Variants in SALL2 observed in about 807,000 individuals in gnomAD.
SALL2 encodes spalt like transcription factor 2.
In SALL2, 32 loss-of-function variants were observed where a neutral mutation model predicts 58.5. That is an observed-to-expected ratio of 0.55 (90% CI 0.41 to 0.74). The LOEUF is 0.74. Ranked by LOEUF, SALL2 falls within the 30% of genes least tolerant of loss-of-function variation. SALL2 has a pLI of 0.00. For synonymous variants in SALL2, 516 were observed against 513.6 expected (o/e 1.00, Z -0.06); for missense variants, 1,201 against 1,268.9 (o/e 0.95, Z 0.81).
intron 1 of SALL2, among the ~76,000 whole-genome samples, chr14:21,532,924 C>T: frequency 6.6e-6 from 1 of 152,002 alleles, no homozygotes; most frequent in Non-Finnish European, 1.5e-5. Flanking sequence ...GATCGCGCCA[C>T]TGCACCCCAG....
In SALL2 at chr14:21,521,874, G is replaced by A. The variant is rs1566504532; in HGVS notation, c.*830C>T. The A allele has an allele frequency of 4.6e-6, 5 of 1,087,696 alleles. No individual in the cohort carries two copies. Among genetic ancestry groups the A allele is most frequent in the East Asian group, 2.6e-5 (1 of 38,154 alleles). The allele number at this position is 1,087,696 out of a possible 1,614,324, so 67.4% of individuals were successfully genotyped here. On this transcript the variant is annotated 3_prime_UTR_variant, in exon 2 of 2. Transcript: ENST00000537235. ...CTTTACCTTAATGTGACCATCAGGG[G>A]ATTTACTGGGAAAATTTTCCTATGC...
Position 21,526,254 on chromosome 14 carries a change from G to A in SALL2, c.-127C>T, listed in dbSNP as rs971055174. 2.1e-6 allele frequency: 3 copies of A among 1,446,756 alleles called. No individual in the cohort carries two copies. Among genetic ancestry groups the A allele is most frequent in the South Asian group, 1.4e-5 (1 of 70,840 alleles). 89.6% of individuals were successfully genotyped at this position (1,446,756 alleles called of 1,614,324 possible). On this transcript the variant is annotated 5_prime_UTR_variant, in exon 1 of 2. Transcript: ENST00000537235. Reference sequence around the variant, plus strand: ...GGCCCAGACTGCGGAGATGGAGATCGGCAGCGGCGGGGGCAGGGAGCAGCG... The same window carrying A: ...GGCCCAGACTGCGGAGATGGAGATCAGCAGCGGCGGGGGCAGGGAGCAGCG...
rs758939366 is a variant in SALL2, at chr14:21,523,016, T to C, written c.2706A>G (p.Pro902=). The C allele has an allele frequency of 1.7e-5, 28 of 1,614,038 alleles. 1 individual carries two copies. The highest frequency in any genetic ancestry group is 2.2e-5 in the Non-Finnish European group (26 of 1,180,020). ...LSLQEAMRKE[P]GESSSRKACE... ...AGGCCTTTCTGCTGCTGCTCTCTCC[T>C]GGCTCCTTTCTCATTGCCTCCTGCA... is the stretch of plus-strand genomic sequence containing the variant. The change falls in exon 2 of 2, where the codon CCA becomes CCG. Residue 902 remains proline (P), a synonymous_variant. Coordinates refer to ENST00000537235, the MANE Select transcript of SALL2 (RefSeq NM_001364564.1). The surrounding 1 kb of genome is among the most constrained non-coding windows in gnomAD (Gnocchi z 4.4).
At chr14:21,535,319 T>C (rs1398676948) in intron 1 of SALL2, among the ~76,000 whole-genome samples, 2 of 141,914 alleles carry the variant, frequency 1.4e-5, no homozygotes, top group Non-Finnish European at 3.0e-5. Flanking sequence ...CACTCCAACC[T>C]GGGCGACAGA....
upstream of SALL2, among the ~76,000 whole-genome samples, chr14:21,529,329 C>G (rs1048131565): frequency 6.6e-6 from 1 of 152,042 alleles, no homozygotes; most frequent in Admixed American, 6.6e-5. Flanking sequence ...GCTGAAATGA[C>G]AAAGAAAAGG....
chr14:21,535,313 C>A (rs1330222842), intron 1 of SALL2, among the ~76,000 whole-genome samples: 3 of 148,484 alleles, frequency 2.0e-5, no homozygotes, highest in Non-Finnish European at 4.4e-5. Flanking sequence ...CCACTGCACT[C>A]CAACCTGGGC....
chr14:21,524,211 G>A lies in SALL2; in HGVS notation c.1511C>T (p.Pro504Leu). The stretch of plus-strand genomic sequence containing the variant: ...CATGAGCACAAACTTATTGAAAGCA[G>A]GGAGTCCTGGAGCCGTGGCTGTGCC... The part of the protein sequence containing the change: ...SAGTATAPGL[P>L]AFNKFVLMKA... Residue 504 changes from proline (P) to leucine (L), a missense_variant, in exon 2 of 2, where the codon CCT becomes CTT. By Grantham distance (98) the Pro-to-Leu change is moderately conservative. Around this residue, in one of 3 missense-constraint regions of SALL2, gnomAD observed 675 missense variants for 683.8 expected, o/e 0.99. Coordinates refer to ENST00000537235, the MANE Select transcript of SALL2 (RefSeq NM_001364564.1). 6.2e-7 allele frequency: 1 copy of A among 1,612,160 alleles called. No homozygotes were observed. The highest frequency in any genetic ancestry group is 8.5e-7 in the Non-Finnish European group (1 of 1,179,048).
chr14:21,526,013 A>G, intron 1 of SALL2, 48 bp downstream of exon 1: 1 of 890,286 alleles, frequency 1.1e-6, no homozygotes, highest in Non-Finnish European at 1.8e-6. Context: ...GCCCCTGCGC[A>G]TCCCCCTCCG....
chr14:21,523,758 C>T lies in SALL2; in HGVS notation c.1964G>A (p.Arg655Lys). The part of the protein sequence containing the change: ...RLHYGQHGGE[R>K]PFKCKVCGRA... ...GCCACACACTTTGCATTTGAAGGGCCTCTCACCTCCATGTTGGCCATAATG... is the reference window on the plus strand; with the variant it reads ...GCCACACACTTTGCATTTGAAGGGCTTCTCACCTCCATGTTGGCCATAATG... The change falls in exon 2 of 2, where the codon AGG (arginine) becomes AAG (lysine). Residue 655 changes from arginine (R) to lysine (K), a missense_variant. By Grantham distance (26) the Arg-to-Lys change is conservative. This residue lies in a region of SALL2 where 675 missense variants were observed against 683.8 expected (regional missense o/e 0.99). Transcript: ENST00000537235. The surrounding 1 kb of genome is among the most constrained non-coding windows in gnomAD (Gnocchi z 4.4). The T allele has an allele frequency of 1.2e-6, 2 of 1,614,090 alleles. No individual in the cohort carries two copies. The highest frequency in any genetic ancestry group is 1.7e-6 in the Non-Finnish European group (2 of 1,180,022).
Position 21,522,730 on chromosome 14 carries a change from G to C in SALL2, c.2992C>G (p.Arg998Gly). 3.3e-6 allele frequency: 5 copies of C among 1,526,936 alleles called. No individual in the cohort carries two copies. Among genetic ancestry groups the C allele is most frequent in the Non-Finnish European group, 4.4e-6 (5 of 1,139,226 alleles). 94.6% of individuals were successfully genotyped at this position (1,526,936 alleles called of 1,614,324 possible). A position where few individuals can be genotyped will look rare whatever the true frequency, so the allele number is the denominator to read the frequency against. Residue 998 changes from arginine (R) to glycine (G), a missense_variant, in exon 2 of 2, where the codon CGA becomes GGA. Physicochemically the swap from Arg to Gly is moderately radical, Grantham distance 125. Transcript: ENST00000537235. ...ITSTGLSPFP[R>G]KDDPTIP ...CATGGGATCGTGGGGTCATCTTTTCGGGGAAAGGGGGAGAGCCCTGTGGAG... is the reference window on the plus strand; with the variant it reads ...CATGGGATCGTGGGGTCATCTTTTCCGGGAAAGGGGGAGAGCCCTGTGGAG...
chr14:21,536,746 G>A (rs1297174788), intron 1 of SALL2: 19 of 847,832 alleles, frequency 2.2e-5, no homozygotes, highest in Non-Finnish European at 2.9e-5. Context: ...GACCAAGTCC[G>A]CCCCCGCCTG....
chr14:21,534,180 C>T (rs760721957), intron 1 of SALL2, among the ~76,000 whole-genome samples: 17 of 152,056 alleles, frequency 1.1e-4, no homozygotes, highest in Non-Finnish European at 1.8e-4. Flanking sequence ...ATATTATAAG[C>T]TTATAAGATC....
Position 21,523,046 on chromosome 14 carries a change from C to T in SALL2, c.2676G>A (p.Leu892=), listed in dbSNP as rs1828817138. Residue 892 remains leucine, a synonymous_variant, in exon 2 of 2, where the codon CTG becomes CTA. Transcript: ENST00000537235. The surrounding 1 kb of genome is among the most constrained non-coding windows in gnomAD (Gnocchi z 4.4). ...EATSVTLVEE[L]SLQEAMRKEP... ...CCTTTCTCATTGCCTCCTGCAGGCT[C>T]AGCTCCTCTACCAAGGTCACGCTGG... 2 of 1,614,176 alleles carry T rather than the reference C, an allele frequency of 1.2e-6. No individual in the cohort carries two copies. The highest frequency in any genetic ancestry group is 1.7e-6 in the Non-Finnish European group (2 of 1,180,028).
chr14:21,524,690 C>T lies in SALL2; in HGVS notation c.1032G>A (p.Gly344=). 6.2e-7 allele frequency: 1 copy of T among 1,613,972 alleles called. No homozygotes were observed. Among genetic ancestry groups the T allele is most frequent in the Non-Finnish European group, 8.5e-7 (1 of 1,180,010 alleles). Residue 344 remains glycine (G), a synonymous_variant, in exon 2 of 2, where the codon GGG becomes GGA. Transcript: ENST00000537235. ...CACTTCCATTCTTTGGCTTCAGGAGCCCTGGGGAGGCAGTGGCCTCAAGGC... is the reference window on the plus strand; with the variant it reads ...CACTTCCATTCTTTGGCTTCAGGAGTCCTGGGGAGGCAGTGGCCTCAAGGC... ...ARGLEATASP[G]LLKPKNGSGE...
rs1362758144 is a variant in SALL2, at chr14:21,523,779, T to A, written c.1943A>T (p.Tyr648Phe). The A allele has an allele frequency of 6.2e-7, 1 of 1,614,098 alleles. No individual in the cohort carries two copies. The highest frequency in any genetic ancestry group is 1.7e-5 in the Admixed American group (1 of 60,012). Residue 648 changes from tyrosine to phenylalanine, a missense_variant, in exon 2 of 2, where the codon TAT (tyrosine) becomes TTT (phenylalanine). This residue lies in a region of SALL2 where 675 missense variants were observed against 683.8 expected (regional missense o/e 0.99). Transcript: ENST00000537235. This position sits in a 1 kb window ranked among gnomAD's most constrained non-coding sequence, Gnocchi z 4.4. ...GGGCCTCTCACCTCCATGTTGGCCA[T>A]AATGAAGGCGTAGGGCCCGAGGACA... ...LSCPRALRLH[Y>F]GQHGGERPFK...
chr14:21,523,976 G>T lies in SALL2; in HGVS notation c.1746C>A (p.Ala582=), dbSNP rs752347299. 8 of 1,614,086 alleles carry T rather than the reference G, an allele frequency of 5.0e-6. No individual in the cohort carries two copies. In the East Asian group the frequency reaches 1.8e-4, roughly 36 times the overall value. The change falls in exon 2 of 2, where the codon GCC becomes GCA. Residue 582 remains alanine (A), a synonymous_variant. Coordinates refer to ENST00000537235, the MANE Select transcript of SALL2 (RefSeq NM_001364564.1). This position sits in a 1 kb window ranked among gnomAD's most constrained non-coding sequence, Gnocchi z 4.4. The part of the protein sequence containing the change: ...PFPYVLEPLG[A]SPSETSKLQQ... Reference sequence around the variant, plus strand: ...GCAGCTTTGATGTCTCAGAGGGTGAGGCCCCCAAGGGCTCTAGCACATAGG... The same window carrying T: ...GCAGCTTTGATGTCTCAGAGGGTGATGCCCCCAAGGGCTCTAGCACATAGG...
Position 21,523,420 on chromosome 14 carries a change from CCTCCTCTTCCTCCTCCTCAGACAA to C in SALL2, c.2278_2301del (p.Leu760_Glu767del), listed in dbSNP as rs750908989. On this transcript the variant is annotated inframe_deletion, in exon 2 of 2. Coordinates refer to ENST00000537235, the MANE Select transcript of SALL2 (RefSeq NM_001364564.1). The surrounding 1 kb of genome is among the most constrained non-coding windows in gnomAD (Gnocchi z 4.4). ...GTCACATCTTCCTCTTCTTCCTCAT[CCTCCTCTTCCTCCTCCTCAGACAA>C]CTCCTCTTCCGGTGATGGCTGCTGG... 67 of 1,613,742 alleles carry C rather than the reference CCTCCTCTTCCTCCTCCTCAGACAA, an allele frequency of 4.2e-5. No individual in the cohort carries two copies. The highest frequency in any genetic ancestry group is 5.5e-5 in the Non-Finnish European group (65 of 1,179,914).
At chr14:21,536,923 C>G in intron 1 of SALL2, 1 of 1,614,076 alleles carries the variant, frequency 6.2e-7, no homozygotes, top group Non-Finnish European at 8.5e-7. Context: ...CCGAGACATT[C>G]CCGGGTAGAG....
In SALL2 at chr14:21,525,383, C is replaced by T. The variant is rs146823588; in HGVS notation, c.339G>A (p.Glu113=). ...SVPTDPTWGP[E]RRGEESSGHF... Reference sequence around the variant, plus strand: ...GCCCTGAAGACTCCTCTCCTCTCCTCTCTGGGCCCCAGGTGGGATCCGTGG... The same window carrying T: ...GCCCTGAAGACTCCTCTCCTCTCCTTTCTGGGCCCCAGGTGGGATCCGTGG... The change falls in exon 2 of 2, where the codon GAG becomes GAA. Residue 113 remains glutamate (E), a synonymous_variant. Coordinates refer to ENST00000537235, the MANE Select transcript of SALL2 (RefSeq NM_001364564.1). The surrounding 1 kb of genome is among the most constrained non-coding windows in gnomAD (Gnocchi z 4.4). 1.2e-5 allele frequency: 19 copies of T among 1,613,978 alleles called. No individual in the cohort carries two copies. Among genetic ancestry groups the T allele is most frequent in the Non-Finnish European group, 1.6e-5 (19 of 1,179,992 alleles).
Sources: allele counts gnomAD v4.1 joint callset (sites outside exome capture counted in the v4.1 genomes callset), GRCh38; gene constraint gnomAD v4.1.1; regional missense constraint gnomAD v4.1.1; non-coding constraint Gnocchi (gnomAD v3.1); transcripts MANE v1.5; gene names NCBI Gene and HGNC (gene_info 2026-07-23, HGNC 2026-07-21).